The following KIF26B variants were observed in gnomAD, a reference collection of about 807,000 sequenced individuals.
KIF26B encodes kinesin family member 26B, also known as kinesin-like protein KIF26B.
KIF26B carries 63 observed loss-of-function variants against 151.2 expected under a neutral mutation model. The ratio of observed to expected loss-of-function variants is 0.42; its 90% CI spans 0.34 to 0.51. The LOEUF (loss-of-function observed/expected upper bound fraction) is 0.51, where lower values mean the gene tolerates loss of function less well. Among genes scored for constraint, KIF26B ranks in the 20% least tolerant of loss-of-function variants. KIF26B has a pLI of 0.07. For synonymous variants in KIF26B, 1,357 were observed against 1,262.1 expected, an observed-to-expected ratio of 1.08 and a Z score of -1.59; for missense variants, 2,813 against 2,913.6, an observed-to-expected ratio of 0.97 and a Z score of 0.79.
At chr1:245,462,445 G>A (rs1484485976) in intron 4 of KIF26B, among the ~76,000 whole-genome samples, 1 of 152,180 alleles carries the variant, frequency 6.6e-6, no homozygotes, top group African/African-American at 2.4e-5. Context: ...TTTAGACTGG[G>A]CATAGTTTAC....
chr1:245,398,416 G>A (rs1673912181), intron 3 of KIF26B, among the ~76,000 whole-genome samples: 1 of 152,136 alleles, frequency 6.6e-6, no homozygotes, highest in South Asian at 2.1e-4. Flanking sequence ...TGGAGCCACC[G>A]TAAAGCTTGC....
intron 2 of KIF26B, among the ~76,000 whole-genome samples, chr1:245,301,653 A>AAGCCCGCATCAGAGAGCTCTTC (rs1671430903): frequency 6.6e-6 from 1 of 152,134 alleles, no homozygotes; most frequent in Admixed American, 6.5e-5. Context: ...TTGTTCTCTG[A>AAGCCCGCATCAGAGAGCTCTTC]AGCCCGCATC....
intron 9 of KIF26B, among the ~76,000 whole-genome samples, chr1:245,615,479 A>G (rs987705764): frequency 7.0e-4 from 107 of 152,332 alleles, no homozygotes; most frequent in African/African-American, 2.4e-3. Context: ...TGAAATTCAG[A>G]TTCCACAAAA....
At chr1:245,639,964 C>G (rs1398478901) in intron 9 of KIF26B, among the ~76,000 whole-genome samples, 3 of 151,052 alleles carry the variant, frequency 2.0e-5, no homozygotes, top group Non-Finnish European at 4.4e-5. Context: ...CTGTGAATAT[C>G]TGTTAGGTCC....
At position 245,686,037 on chromosome 1, in the gene KIF26B, C is replaced by G; in HGVS notation, c.3054C>G (p.Ser1018Arg). The G allele has an allele frequency of 6.3e-7, 1 of 1,594,258 alleles. No individual in the cohort carries two copies. The highest frequency in any genetic ancestry group is 8.5e-7 in the Non-Finnish European group (1 of 1,171,144). ...VPAAAPAHSP[S>R]PASPRSVPGS... is the part of the protein sequence containing the mutation. ...CCGCGGCACCCGCCCACAGCCCCAG[C>G]CCGGCCTCACCCAGGAGCGTCCCGG... Residue 1018 changes from serine (S) to arginine (R), a missense_variant, in exon 12 of 15, where the codon AGC (serine) becomes AGG (arginine). This residue lies in a region of KIF26B where 2,060 missense variants were observed against 2,088.6 expected (regional missense o/e 0.99). Transcript: ENST00000407071. This position sits in a 1 kb window ranked among gnomAD's most constrained non-coding sequence, Gnocchi z 5.6.
chr1:245,177,153 T>C (rs1420379979), intron 2 of KIF26B, among the ~76,000 whole-genome samples: 2 of 152,128 alleles, frequency 1.3e-5, no homozygotes, highest in Non-Finnish European at 2.9e-5. Flanking sequence ...TGGGGTCTTA[T>C]TGTGTTGCCC....
At chr1:245,195,719 A>G (rs1669180684) in intron 2 of KIF26B, among the ~76,000 whole-genome samples, 3 of 152,214 alleles carry the variant, frequency 2.0e-5, no homozygotes, top group African/African-American at 7.2e-5. Flanking sequence ...CAAACACCGA[A>G]AGAGCTATGT....
At position 245,285,509 on chromosome 1, in the gene KIF26B, A is replaced by T. The variant is rs1671149521; in HGVS notation, c.466-81325A>T. ...TTACCTCTGCTTGCTAGTGCTGTGG[A>T]TCTGTGCTCACTGAATTCCATTCTC... On this transcript the variant is annotated intron_variant, in intron 2 of 14. Coordinates refer to ENST00000407071, the MANE Select transcript of KIF26B (RefSeq NM_018012.4). Among the ~76,000 whole-genome samples, 3 of 151,970 alleles carry T rather than the reference A, an allele frequency of 2.0e-5. No individual in the cohort carries two copies. In the South Asian group the frequency reaches 6.2e-4, roughly 31 times the overall value.
At chr1:245,187,998 G>A (rs1669029066) in intron 2 of KIF26B, among the ~76,000 whole-genome samples, 1 of 152,146 alleles carries the variant, frequency 6.6e-6, no homozygotes, top group South Asian at 2.1e-4. Context: ...GCAAATTCAA[G>A]GCCGGGCGCG....
At chr1:245,430,797 T>C (rs1394802300) in intron 4 of KIF26B, among the ~76,000 whole-genome samples, 1 of 152,190 alleles carries the variant, frequency 6.6e-6, no homozygotes, top group Admixed American at 6.5e-5. Context: ...TATCCCATTG[T>C]TTAGACGTGG....
chr1:245,392,848 C>T (rs989956260), intron 3 of KIF26B, among the ~76,000 whole-genome samples: 5 of 151,810 alleles, frequency 3.3e-5, no homozygotes. Flanking sequence ...TTTTGTAACT[C>T]CTATTATTTG....
chr1:245,171,413 A>G lies in KIF26B; in HGVS notation c.465+14730A>G, dbSNP rs199595939. Reference sequence around the variant, plus strand: ...AAAAAAGTTAGCTGGGTGTGGTGGCACATGCCTGTAATCCCAGCTACTCCG... The same window carrying G: ...AAAAAAGTTAGCTGGGTGTGGTGGCGCATGCCTGTAATCCCAGCTACTCCG... On this transcript the variant is annotated intron_variant, in intron 2 of 14. Coordinates refer to ENST00000407071, the MANE Select transcript of KIF26B (RefSeq NM_018012.4). Among the ~76,000 whole-genome samples the G allele has an allele frequency of 3.5e-4, 53 of 152,252 alleles. 3 individuals are homozygous for G. Among genetic ancestry groups the G allele is most frequent in the East Asian group, 2.1e-3 (11 of 5,178 alleles).
Position 245,705,544 on chromosome 1 carries a change from A to G in KIF26B, c.*2938A>G, listed in dbSNP as rs1480598838. The stretch of plus-strand genomic sequence containing the variant: ...AGAGAACCCAAGGAGGCAAGGGGGA[A>G]TATCAACGAACCCATTTCTATTTCA... On this transcript the variant is annotated 3_prime_UTR_variant, in exon 15 of 15. Coordinates refer to ENST00000407071, the MANE Select transcript of KIF26B (RefSeq NM_018012.4). The G allele has an allele frequency of 2.6e-5, 4 of 152,154 alleles. No homozygotes were observed. The highest frequency in any genetic ancestry group is 6.5e-5 in the Admixed American group (1 of 15,274). The allele number at this position is 152,154 out of a possible 1,614,324, so 9.4% of individuals were successfully genotyped here.
At chr1:245,671,869 C>T (rs138469558) in intron 10 of KIF26B, among the ~76,000 whole-genome samples, 363 of 152,282 alleles carry the variant, frequency 2.4e-3, no homozygotes, top group African/African-American at 8.2e-3. Flanking sequence ...AGGAGAGGCA[C>T]GAAAGCTCAC....
At chr1:245,363,830 G>T (rs1057140578) in intron 2 of KIF26B, among the ~76,000 whole-genome samples, 7 of 152,146 alleles carry the variant, frequency 4.6e-5, no homozygotes, top group Admixed American at 4.6e-4. Context: ...TGTCTGTGGC[G>T]GTCGTATTGA....
chr1:245,168,931 A>G (rs139228466), intron 2 of KIF26B, among the ~76,000 whole-genome samples: 2 of 152,314 alleles, frequency 1.3e-5, no homozygotes, highest in East Asian at 3.9e-4. Context: ...TCTTTAAAAT[A>G]TCTACTTCCT....
At chr1:245,552,185 G>T (rs1009332429) in intron 5 of KIF26B, among the ~76,000 whole-genome samples, 8 of 148,538 alleles carry the variant, frequency 5.4e-5, no homozygotes, top group African/African-American at 2.0e-4. Context: ...TGGGGGTGGG[G>T]GATTGACTGA....
chr1:245,662,611 A>T (rs2044164760), intron 10 of KIF26B, among the ~76,000 whole-genome samples: 4 of 71,536 alleles, frequency 5.6e-5, no homozygotes, highest in African/African-American at 1.7e-4. Flanking sequence ...ACAGACACCC[A>T]ATATATATAC....
Position 245,698,288 on chromosome 1 carries a change from C to T in KIF26B, c.6007C>T (p.Arg2003Ter), listed in dbSNP as rs1458305742. Reference protein sequence around the residue: ...EIDDVERLQRRRGGASKEAMC... With the variant: ...EIDDVERLQR ...CGATGACGTGGAGCGCCTGCAGCGG[C>T]GACGAGGGGGTGCCAGCAAGGTGAG... is the stretch of plus-strand genomic sequence containing the variant. The change falls in exon 13 of 15, where the codon CGA becomes TGA. Residue 2003 changes from arginine (R) to a stop codon, truncating the protein, a stop_gained. Coordinates refer to ENST00000407071, the MANE Select transcript of KIF26B (RefSeq NM_018012.4). LOFTEE classifies it high-confidence loss of function. The surrounding 1 kb of genome is among the most constrained non-coding windows in gnomAD (Gnocchi z 4.0). 2 of 1,613,486 alleles carry T rather than the reference C, an allele frequency of 1.2e-6. No homozygotes were observed. Among genetic ancestry groups the T allele is most frequent in the Non-Finnish European group, 1.7e-6 (2 of 1,179,758 alleles).
Sources: allele counts gnomAD v4.1 joint callset (sites outside exome capture counted in the v4.1 genomes callset), GRCh38; gene constraint gnomAD v4.1.1; regional missense constraint gnomAD v4.1.1; non-coding constraint Gnocchi (gnomAD v3.1); transcripts MANE v1.5; gene names NCBI Gene and HGNC (gene_info 2026-07-23, HGNC 2026-07-21).